The following ZC3H12B variants were observed in gnomAD, a reference collection of about 807,000 sequenced individuals.
The protein encoded by ZC3H12B is probable ribonuclease ZC3H12B.
In ZC3H12B, 7 loss-of-function variants were observed where a neutral mutation model predicts 43.9. The ratio of observed to expected loss-of-function variants is 0.16; its 90% CI spans 0.09 to 0.30. The LOEUF (loss-of-function observed/expected upper bound fraction) is 0.30. ZC3H12B is among the 10% of genes least tolerant of loss of function. The pLI is 1.00. For missense variants in ZC3H12B, 475 were observed against 670.2 expected (o/e 0.71, Z 3.22); for synonymous variants, 222 against 241.7 (o/e 0.92, Z 0.76).
chrX:65,203,236 G>T, the ZC3H12B span, among the ~76,000 whole-genome samples: 2 of 111,987 alleles, frequency 1.8e-5, no homozygotes, highest in African/African-American at 6.5e-5. Context: ...TTCCACCTCT[G>T]GTACCTAAGG....
At chrX:65,406,700 C>G (rs1602391748) in intron 3 of ZC3H12B, among the ~76,000 whole-genome samples, 1 of 111,055 alleles carries the variant, frequency 9.0e-6, no homozygotes. Flanking sequence ...ACGCCAGAGG[C>G]GCGGGCGGCG....
chrX:65,437,197 C>T (rs994796624), intron 3 of ZC3H12B, among the ~76,000 whole-genome samples: 32 of 111,082 alleles, frequency 2.9e-4, no homozygotes, highest in African/African-American at 5.9e-4. Flanking sequence ...AGTGATCCAC[C>T]GGCCTCGGCC....
At chrX:65,145,494 C>G in the ZC3H12B span, among the ~76,000 whole-genome samples, 2 of 111,425 alleles carry the variant, frequency 1.8e-5, no homozygotes, top group Non-Finnish European at 3.8e-5. Flanking sequence ...ATGTGAAGTA[C>G]CATTTTATTC....
the ZC3H12B span, among the ~76,000 whole-genome samples, chrX:65,211,668 A>G: frequency 1.1e-5 from 1 of 90,259 alleles, no homozygotes; most frequent in Admixed American, 1.5e-4. Context: ...TACATAATAT[A>G]TATTATATAA....
intron 3 of ZC3H12B, among the ~76,000 whole-genome samples, chrX:65,445,209 G>T (rs1351895796): frequency 8.9e-6 from 1 of 112,144 alleles, no homozygotes; most frequent in Admixed American, 9.5e-5. Context: ...ATTGGTTGCT[G>T]GTGCCTTATT....
At chrX:65,253,615 C>T in the ZC3H12B span, among the ~76,000 whole-genome samples, 2 of 106,217 alleles carry the variant, frequency 1.9e-5, no homozygotes, top group Non-Finnish European at 1.9e-5. Context: ...AGATGTGACC[C>T]CTTCTACCTG....
chrX:65,268,701 C>T, the ZC3H12B span, among the ~76,000 whole-genome samples: 6 of 111,970 alleles, frequency 5.4e-5, no homozygotes, highest in Non-Finnish European at 9.4e-5. Flanking sequence ...ATTCAGCATC[C>T]TTTCTTGATG....
intron 3 of ZC3H12B, among the ~76,000 whole-genome samples, chrX:65,440,588 C>A (rs1244317383): frequency 8.9e-6 from 1 of 112,234 alleles, no homozygotes; most frequent in Non-Finnish European, 1.9e-5. Flanking sequence ...AGGTTGTTTA[C>A]TGCAGGAATT....
At chrX:65,172,509 T>G in the ZC3H12B span, among the ~76,000 whole-genome samples, 1 of 112,466 alleles carries the variant, frequency 8.9e-6, no homozygotes, top group South Asian at 3.6e-4. Flanking sequence ...TGCCCATACC[T>G]ATGTCCTGTA....
At chrX:65,257,942 C>T in the ZC3H12B span, among the ~76,000 whole-genome samples, 1 of 110,945 alleles carries the variant, frequency 9.0e-6, no homozygotes, top group East Asian at 2.9e-4. Context: ...CAGCTGAATC[C>T]CACCAGATAT....
the ZC3H12B span, among the ~76,000 whole-genome samples, chrX:65,121,031 G>A: frequency 1.8e-5 from 2 of 111,195 alleles, no homozygotes; most frequent in Non-Finnish European, 3.8e-5. Flanking sequence ...GCTTTTTGAT[G>A]TACTGCAGGA....
the ZC3H12B span, among the ~76,000 whole-genome samples, chrX:65,038,288 T>C: frequency 2.7e-5 from 3 of 111,545 alleles, no homozygotes; most frequent in African/African-American, 9.7e-5. Flanking sequence ...AGTAGTCTTC[T>C]TTGATTAAAG....
At chrX:65,079,257 G>A in the ZC3H12B span, among the ~76,000 whole-genome samples, 2 of 112,946 alleles carry the variant, frequency 1.8e-5, no homozygotes, top group Admixed American at 1.9e-4. Context: ...CCTGACACCA[G>A]GATGGCACCT....
At chrX:65,044,225 C>T in the ZC3H12B span, among the ~76,000 whole-genome samples, 3 of 111,471 alleles carry the variant, frequency 2.7e-5, no homozygotes, top group Middle Eastern at 4.2e-3. Flanking sequence ...GAAGCAAGGG[C>T]GTAGGACATG....
At chrX:65,308,148 T>G in the ZC3H12B span, among the ~76,000 whole-genome samples, 1 of 110,674 alleles carries the variant, frequency 9.0e-6, no homozygotes, top group Non-Finnish European at 1.9e-5. Context: ...AAAACAAGTC[T>G]CAGTAAATTT....
chrX:65,359,886 G>A, the ZC3H12B span, among the ~76,000 whole-genome samples: 1 of 111,789 alleles, frequency 8.9e-6, no homozygotes, highest in South Asian at 3.7e-4. Context: ...GTAGAGAAAT[G>A]GTATAAAAGA....
chrX:65,462,609 G>A (rs2148180701), intron 3 of ZC3H12B, among the ~76,000 whole-genome samples: 1 of 112,319 alleles, frequency 8.9e-6, no homozygotes, highest in Non-Finnish European at 1.9e-5. Context: ...AAGTTGTGTA[G>A]CTTGAAGGAA....
intron 3 of ZC3H12B, among the ~76,000 whole-genome samples, chrX:65,461,716 G>C (rs886458001): frequency 9.0e-6 from 1 of 111,307 alleles, no homozygotes; most frequent in African/African-American, 3.3e-5. Flanking sequence ...GTCTAGGTAG[G>C]GGGGAGGGAT....
the ZC3H12B span, among the ~76,000 whole-genome samples, chrX:65,313,016 G>A: frequency 9.0e-6 from 1 of 111,320 alleles, no homozygotes; most frequent in South Asian, 3.8e-4. Context: ...TGAGTAGCTG[G>A]GACTGCAGGC....
Sources: gnomAD v4.1 joint callset for allele counts (sites outside exome capture counted in the v4.1 genomes callset) on GRCh38, gnomAD v4.1.1 for gene constraint, MANE v1.5 for transcripts, NCBI Gene and HGNC (gene_info 2026-07-23, HGNC 2026-07-21) for gene names.